RAB6A: variants seen among roughly 807,000 people sequenced by gnomAD.
The protein encoded by RAB6A is ras-related protein Rab-6A.
RAB6A carries 8 observed loss-of-function variants against 32.3 expected under a neutral mutation model. The ratio of observed to expected loss-of-function variants is 0.25; its 90% CI spans 0.15 to 0.45. The LOEUF is 0.45. Among genes scored for constraint, RAB6A ranks in the 20% least tolerant of loss-of-function variants. The pLI, the probability that RAB6A is intolerant of heterozygous loss-of-function variation, is 1.00. For missense variants in RAB6A, 104 were observed against 249.4 expected, an observed-to-expected ratio of 0.42 and a Z score of 3.93; for synonymous variants, 73 against 82.1, an observed-to-expected ratio of 0.89 and a Z score of 0.60.
At chr11:73,716,106 G>C in intron 5 of RAB6A, 145 bp downstream of exon 5, 1 of 542,816 alleles carries the variant, frequency 1.8e-6, no homozygotes, top group Non-Finnish European at 3.2e-6. Flanking sequence ...ATTTATATTT[G>C]AGGTTCCCAT....
chr11:73,752,799 C>T (rs1363458671), intron 1 of RAB6A, among the ~76,000 whole-genome samples: 1 of 144,608 alleles, frequency 6.9e-6, no homozygotes, highest in Non-Finnish European at 1.5e-5. Context: ...GCCTGGGTGA[C>T]AGAGTAAGAC....
At chr11:73,697,309 C>T (rs1945669648) in intron 6 of RAB6A, among the ~76,000 whole-genome samples, 1 of 151,922 alleles carries the variant, frequency 6.6e-6, no homozygotes. Context: ...CCTTCTTACC[C>T]TACTTTATTT....
intron 6 of RAB6A, among the ~76,000 whole-genome samples, chr11:73,692,877 C>T (rs1009988369): frequency 2.0e-5 from 3 of 150,892 alleles, no homozygotes; most frequent in African/African-American, 4.9e-5. Flanking sequence ...AGGAGAATGG[C>T]GTGAACCCAG....
At chr11:73,756,010 G>A (rs1946746155) in intron 1 of RAB6A, among the ~76,000 whole-genome samples, 1 of 152,018 alleles carries the variant, frequency 6.6e-6, no homozygotes, top group African/African-American at 2.4e-5. Flanking sequence ...GAGCAGAAAG[G>A]GGTCTTGGGG....
intron 1 of RAB6A, among the ~76,000 whole-genome samples, chr11:73,755,703 T>G (rs974792765): frequency 1.3e-5 from 2 of 148,836 alleles, no homozygotes; most frequent in African/African-American, 5.0e-5. Flanking sequence ...AAGGCTGCAG[T>G]TGGCCATGAT....
At chr11:73,720,700 C>T (rs1946122775) in intron 3 of RAB6A, 146 bp downstream of exon 3, 3 of 629,940 alleles carry the variant, frequency 4.8e-6, no homozygotes, top group African/African-American at 1.9e-5. Context: ...ACTACTCACT[C>T]GGTAATAAGA....
intron 6 of RAB6A, among the ~76,000 whole-genome samples, chr11:73,700,000 T>C (rs1226516296): frequency 6.6e-6 from 1 of 152,236 alleles, no homozygotes; most frequent in Non-Finnish European, 1.5e-5. Context: ...TTAGAGCTGA[T>C]GCCCATCAGC....
chr11:73,679,762 T>TA (rs1207867213), intron 6 of RAB6A, 42 bp from the exon 7 acceptor site: 8 of 1,609,460 alleles, frequency 5.0e-6, no homozygotes, highest in Non-Finnish European at 6.8e-6. Context: ...AGGGAACATT[T>TA]AGCAAAGGGT....
At chr11:73,699,291 C>T (rs1945704727) in intron 6 of RAB6A, among the ~76,000 whole-genome samples, 2 of 152,120 alleles carry the variant, frequency 1.3e-5, no homozygotes. Context: ...AAGGGTCTTG[C>T]TCTGTCATCC....
chr11:73,709,710 C>T lies in RAB6A; in HGVS notation c.402-2197G>A, dbSNP rs1055814177. ...AGCCCTGGTTCCTTTGGAAAGAAAC[C>T]GTATTTACATGTGGTAATGTGGGCT... On this transcript the variant is annotated intron_variant, in intron 5 of 7. Coordinates refer to ENST00000336083, the MANE Select transcript of RAB6A (RefSeq NM_198896.2). Among the ~76,000 whole-genome samples the T allele has an allele frequency of 2.0e-5, 3 of 149,424 alleles. No homozygotes were observed. In the East Asian group the frequency reaches 5.8e-4, roughly 29 times the overall value.
At chr11:73,760,052 C>G (rs905447157) in intron 1 of RAB6A, 21 of 1,289,336 alleles carry the variant, frequency 1.6e-5, no homozygotes, top group Non-Finnish European at 1.8e-5. Context: ...TCCCACCTTC[C>G]ACGACATCAG....
chr11:73,718,726 C>A lies in RAB6A; in HGVS notation c.184-8G>T. 1 of 1,613,908 alleles carries A rather than the reference C, an allele frequency of 6.2e-7. No individual in the cohort carries two copies. ...CCATAATTGCAATCGTACCTAACAA[C>A]AAAATCAGTCAAACAAGCAAGAAAA... On this transcript the variant is annotated splice_region_variant and splice_polypyrimidine_tract_variant and intron_variant, in intron 3 of 7. Transcript: ENST00000336083.
At chr11:73,693,701 T>C (rs967456667) in intron 6 of RAB6A, among the ~76,000 whole-genome samples, 2 of 151,670 alleles carry the variant, frequency 1.3e-5, no homozygotes, top group African/African-American at 2.4e-5. Context: ...CCTAGTAACA[T>C]AGTGAGACCT....
intron 2 of RAB6A, chr11:73,729,886 G>C (rs1004867766): frequency 6.5e-6 from 1 of 152,804 alleles, no homozygotes; most frequent in African/African-American, 2.4e-5. Flanking sequence ...GAAATTATCC[G>C]AACTAGCTAA....
chr11:73,756,837 C>A (rs549747477), intron 1 of RAB6A, among the ~76,000 whole-genome samples: 12 of 152,000 alleles, frequency 7.9e-5, no homozygotes, highest in African/African-American at 2.7e-4. Flanking sequence ...CCACGCCCAG[C>A]TAGTTTTTGG....
Position 73,744,030 on chromosome 11 carries a change from C to T in RAB6A, c.71-13207G>A, listed in dbSNP as rs143526803. On this transcript the variant is annotated intron_variant, in intron 1 of 7. Coordinates refer to ENST00000336083, the MANE Select transcript of RAB6A (RefSeq NM_198896.2). Reference sequence around the variant, plus strand: ...GTTCAACATGGACAACATGGCAAGACCCTATCTCTACAAAAAATTTTAAAC... The same window carrying T: ...GTTCAACATGGACAACATGGCAAGATCCTATCTCTACAAAAAATTTTAAAC... Among the ~76,000 whole-genome samples, 835 of 152,032 alleles carry T rather than the reference C, an allele frequency of 5.5e-3. 6 individuals are homozygous for T. Among genetic ancestry groups the T allele is most frequent in the African/African-American group, 0.017 (709 of 41,482 alleles).
intron 1 of RAB6A, among the ~76,000 whole-genome samples, chr11:73,738,425 G>A (rs79218411): frequency 0.021 from 3,195 of 152,222 alleles, 112 homozygotes; most frequent in African/African-American, 0.072. Flanking sequence ...TGAAACTGGA[G>A]GATGCTTGAG....
chr11:73,696,790 C>G (rs1201927234), intron 6 of RAB6A, among the ~76,000 whole-genome samples: 14 of 150,942 alleles, frequency 9.3e-5, no homozygotes, highest in African/African-American at 3.2e-4. Flanking sequence ...TTTTTGCAGA[C>G]ACACACTCTC....
rs181016347 is a variant in RAB6A, at chr11:73,757,687, G to A, written c.70+2879C>T. On this transcript the variant is annotated intron_variant, in intron 1 of 7. Coordinates refer to ENST00000336083, the MANE Select transcript of RAB6A (RefSeq NM_198896.2). Reference sequence around the variant, plus strand: ...GAATGAAATGGTTGGGCCTCTAAACGATTGGTTTCTCTACCCCCTTAAGTA... The same window carrying A: ...GAATGAAATGGTTGGGCCTCTAAACAATTGGTTTCTCTACCCCCTTAAGTA... 1.5e-4 allele frequency among the ~76,000 whole-genome samples: 23 copies of A among 152,240 alleles called. No individual in the cohort carries two copies. The East Asian group carries it at 4.4e-3, about 29-fold the overall frequency.
Sources: allele counts gnomAD v4.1 joint callset (sites outside exome capture counted in the v4.1 genomes callset), GRCh38; gene constraint gnomAD v4.1.1; transcripts MANE v1.5; gene names NCBI Gene and HGNC (gene_info 2026-07-23, HGNC 2026-07-21).